Variants in FARP1 observed in about 807,000 individuals in gnomAD.
The protein encoded by FARP1 is FERM, ARHGEF and pleckstrin domain-containing protein 1.
Under a neutral mutation model 128.8 loss-of-function variants are expected in FARP1, and 52 were observed. That is an observed-to-expected ratio of 0.40 (90% CI 0.32 to 0.51). FARP1 has a LOEUF of 0.51. Among genes scored for constraint, FARP1 ranks in the 20% least tolerant of loss-of-function variants. FARP1 has a pLI of 0.45. For synonymous variants in FARP1, 580 were observed against 551.8 expected (o/e 1.05, Z -0.72); for missense variants, 1,333 against 1,367.9 (o/e 0.97, Z 0.40).
At position 98,276,797 on chromosome 13, in the gene FARP1, A is replaced by G. The variant is rs531631042; in HGVS notation, c.171+63384A>G. ...CATTGCTTTCCCCAAGACCAGAATG[A>G]TACCTCTCACAGGCAATGCGAGGAG... On this transcript the variant is annotated intron_variant, in intron 2 of 26. Coordinates refer to ENST00000319562, the MANE Select transcript of FARP1 (RefSeq NM_005766.4). Among the ~76,000 whole-genome samples, 7 of 152,322 alleles carry G rather than the reference A, an allele frequency of 4.6e-5. No individual in the cohort carries two copies. In the South Asian group the frequency reaches 1.2e-3, roughly 27 times the overall value.
intron 2 of FARP1, among the ~76,000 whole-genome samples, chr13:98,318,073 T>G (rs1223325713): frequency 6.8e-6 from 1 of 146,630 alleles, no homozygotes; most frequent in Non-Finnish European, 1.5e-5. Flanking sequence ...TCCTCCTTTT[T>G]TTTTTTTTTT....
intron 1 of FARP1, among the ~76,000 whole-genome samples, chr13:98,149,942 T>G (rs1169512130): frequency 5.9e-5 from 9 of 151,670 alleles, no homozygotes; most frequent in Non-Finnish European, 1.3e-4. Context: ...TTTCACCATG[T>G]TAGCCAGGAT....
intron 2 of FARP1, among the ~76,000 whole-genome samples, chr13:98,222,622 C>CT (rs371459791): frequency 1.1e-3 from 151 of 141,234 alleles, no homozygotes; most frequent in African/African-American, 2.6e-3. Flanking sequence ...GTGGAGGGTG[C>CT]TTTTTTTTTT....
At chr13:98,415,719 G>T (rs376486589) in intron 16 of FARP1, among the ~76,000 whole-genome samples, 1 of 152,286 alleles carries the variant, frequency 6.6e-6, no homozygotes, top group African/African-American at 2.4e-5. Context: ...AGATTATTAA[G>T]AAAGGATTCA....
At chr13:98,255,637 A>G (rs1181600865) in intron 2 of FARP1, among the ~76,000 whole-genome samples, 1 of 152,258 alleles carries the variant, frequency 6.6e-6, no homozygotes, top group East Asian at 1.9e-4. Context: ...AGATGTTAGT[A>G]ATATGCATAA....
Position 98,454,139 on chromosome 13 carries a change from C to T in FARP1, c.*5822C>T, listed in dbSNP as rs1242499620. 6.6e-6 allele frequency: 1 copy of T among 152,164 alleles called. No individual in the cohort carries two copies. Among genetic ancestry groups the T allele is most frequent in the Non-Finnish European group, 1.5e-5 (1 of 68,032 alleles). 9.4% of individuals were successfully genotyped at this position (152,164 alleles called of 1,614,324 possible). Reference sequence around the variant, plus strand: ...GAAATTCTAAAAAATCTTCTTTGCACTATAAGGTAGATAAGAGAATTCAGT... The same window carrying T: ...GAAATTCTAAAAAATCTTCTTTGCATTATAAGGTAGATAAGAGAATTCAGT... On this transcript the variant is annotated 3_prime_UTR_variant, in exon 27 of 27. Transcript: ENST00000319562.
At chr13:98,236,719 G>A (rs1425186156) in intron 2 of FARP1, among the ~76,000 whole-genome samples, 1 of 152,222 alleles carries the variant, frequency 6.6e-6, no homozygotes, top group Non-Finnish European at 1.5e-5. Flanking sequence ...GCCAGGCGTG[G>A]TGGCTCACGC....
Position 98,409,501 on chromosome 13 carries a change from C to T in FARP1, c.1578C>T (p.Asp526=), listed in dbSNP as rs202237444. 3.7e-5 allele frequency: 59 copies of T among 1,612,360 alleles called. No homozygotes were observed. Among genetic ancestry groups the T allele is most frequent in the Non-Finnish European group, 4.6e-5 (54 of 1,179,162 alleles). The change falls in exon 14 of 27, where the codon GAC becomes GAT. Residue 526 remains aspartate (D), a synonymous_variant. Transcript: ENST00000319562. ...LLNDQACPRT[D]DEDEGRRKRF... ...ATGACCAGGCCTGCCCCCGGACGGA[C>T]GATGAGGATGAGGGCCGGAGGAAGG...
At chr13:98,158,960 A>C (rs367880003) in intron 1 of FARP1, among the ~76,000 whole-genome samples, 3 of 152,324 alleles carry the variant, frequency 2.0e-5, no homozygotes, top group East Asian at 3.9e-4. Context: ...TTTCCCTGGC[A>C]TAATTTTGGG....
rs1449369217 is a variant in FARP1 at position 98,438,882 on chromosome 13, G to C, written c.2343+10G>C. The C allele has an allele frequency of 1.9e-6, 3 of 1,613,258 alleles. No individual in the cohort carries two copies. The South Asian group carries it at 3.3e-5, about 18-fold the overall frequency. ...GCGCATGTTCTTCCTGGTGAGTGGAGAGAGCGGCTTGTCCTCACAAGGATT... is the reference window on the plus strand; with the variant it reads ...GCGCATGTTCTTCCTGGTGAGTGGACAGAGCGGCTTGTCCTCACAAGGATT... On this transcript the variant is annotated intron_variant, in intron 20 of 26. Coordinates refer to ENST00000319562, the MANE Select transcript of FARP1 (RefSeq NM_005766.4).
Position 98,167,365 on chromosome 13 carries a change from G to A in FARP1, c.-24+23873G>A, listed in dbSNP as rs1249407322. 2.0e-5 allele frequency among the ~76,000 whole-genome samples: 3 copies of A among 150,292 alleles called. No homozygotes were observed. The South Asian group carries it at 6.3e-4, about 32-fold the overall frequency. On this transcript the variant is annotated intron_variant, in intron 1 of 26. Transcript: ENST00000319562. ...TTTCCCTTATGGCATGTAGCATTTA[G>A]GTCATGCTTAGAGAGATCTGCAATT...
At chr13:98,153,520 TATATATATA>T (rs1472890614) in intron 1 of FARP1, among the ~76,000 whole-genome samples, 1 of 12,834 alleles carries the variant, frequency 7.8e-5, no homozygotes, top group Non-Finnish European at 1.1e-3. Flanking sequence ...AATATATATT[TATATATATA>T]TTATATATAA....
intron 2 of FARP1, among the ~76,000 whole-genome samples, chr13:98,285,460 T>C (rs1885123317): frequency 6.6e-6 from 1 of 152,224 alleles, no homozygotes; most frequent in African/African-American, 2.4e-5. Context: ...GGTTGCTTAG[T>C]GATGTCACTC....
intron 2 of FARP1, among the ~76,000 whole-genome samples, chr13:98,265,541 G>C (rs1314418467): frequency 5.3e-5 from 8 of 151,234 alleles, no homozygotes; most frequent in East Asian, 1.9e-4. Context: ...GGATGGTCTC[G>C]ATCTCCTGAC....
intron 16 of FARP1, among the ~76,000 whole-genome samples, chr13:98,414,092 T>C (rs1891290299): frequency 6.6e-6 from 1 of 152,196 alleles, no homozygotes; most frequent in South Asian, 2.1e-4. Flanking sequence ...TAGGAGTAAA[T>C]GCCGTACGCG....
At chr13:98,178,923 T>C (rs1878301658) in intron 1 of FARP1, among the ~76,000 whole-genome samples, 2 of 152,244 alleles carry the variant, frequency 1.3e-5, no homozygotes, top group Non-Finnish European at 2.9e-5. Context: ...TATCTCCAGC[T>C]GTTTATACTT....
Position 98,424,784 on chromosome 13 carries a change from C to T in FARP1, c.1905+134C>T, listed in dbSNP as rs1465924184. 5 of 680,118 alleles carry T rather than the reference C, an allele frequency of 7.4e-6. No homozygotes were observed. The African/African-American group carries it at 8.7e-5, about 12-fold the overall frequency. The allele number at this position is 680,118 out of a possible 1,614,324, so 42.1% of individuals were successfully genotyped here. A position where few individuals can be genotyped will look rare whatever the true frequency, so the allele number is the denominator to read the frequency against. On this transcript the variant is annotated intron_variant, in intron 17 of 26. Transcript: ENST00000319562. ...GACTCTCTACACCAAGCTTGTCCAACCCACCGCCGAGCAGCAGCTTACAGC... is the reference window on the plus strand; with the variant it reads ...GACTCTCTACACCAAGCTTGTCCAATCCACCGCCGAGCAGCAGCTTACAGC...
intron 19 of FARP1, chr13:98,437,640 G>A: frequency 1.6e-6 from 1 of 610,474 alleles, no homozygotes; most frequent in Non-Finnish European, 2.9e-6. Context: ...CCAAGGCTCT[G>A]GTGATAGCTG....
At chr13:98,154,278 T>C (rs72653390) in intron 1 of FARP1, among the ~76,000 whole-genome samples, 1,702 of 152,366 alleles carry the variant, frequency 0.011, 17 homozygotes, top group Middle Eastern at 0.034. Context: ...TGATTTCTCA[T>C]GGACAAATAG....
Sources: allele counts gnomAD v4.1 joint callset (sites outside exome capture counted in the v4.1 genomes callset), GRCh38; gene constraint gnomAD v4.1.1; transcripts MANE v1.5; gene names NCBI Gene and HGNC (gene_info 2026-07-23, HGNC 2026-07-21).